Variants in SGSM2 observed in about 807,000 individuals in gnomAD.
SGSM2 encodes the protein small G protein signaling modulator 2, also known as RUN and TBC1 domain containing 1.
A neutral mutation model predicts 126.6 loss-of-function variants in SGSM2; 89 were observed. The ratio of observed to expected loss-of-function variants is 0.70; its 90% confidence interval spans 0.59 to 0.84. The LOEUF is 0.84. Among genes scored for constraint, SGSM2 ranks in the 40% least tolerant of loss-of-function variants. The probability of loss-of-function intolerance (pLI) is 0.00; values close to 1 mark genes in which losing one functional copy is unlikely to be tolerated. For missense variants in SGSM2, 1,404 were observed against 1,416.6 expected, an observed-to-expected ratio of 0.99 and a Z score of 0.14; for synonymous variants, 614 against 574.3, an observed-to-expected ratio of 1.07 and a Z score of -0.99.
At chr17:2,346,878 C>T (rs1042514096) in intron 2 of SGSM2, among the ~76,000 whole-genome samples, 2 of 152,090 alleles carry the variant, frequency 1.3e-5, no homozygotes, top group African/African-American at 4.8e-5. Context: ...CCCTTGAGAC[C>T]AGAAGCTTGA....
rs1277497295 is a variant in SGSM2 at position 2,338,788 on chromosome 17, T to TATATATATATATAA, written c.57+1044_57+1045insTATATATATATAAA. On this transcript the variant is annotated intron_variant, in intron 1 of 23. Coordinates refer to ENST00000268989, the MANE Select transcript of SGSM2 (RefSeq NM_014853.3). The stretch of plus-strand genomic sequence containing the variant: ...GCCGTCTCCCTAATATATATATATA[T>TATATATATATATAA]AACCTCACGCCTGTAATCCCAGCAC... Among the ~76,000 whole-genome samples, 505 of 149,972 alleles carry TATATATATATATAA rather than the reference T, an allele frequency of 3.4e-3. 6 individuals are homozygous for TATATATATATATAA. Among genetic ancestry groups the TATATATATATATAA allele is most frequent in the Middle Eastern group, 6.8e-3 (2 of 292 alleles).
chr17:2,344,713 C>T (rs1189889633), intron 2 of SGSM2, among the ~76,000 whole-genome samples: 1 of 151,956 alleles, frequency 6.6e-6, no homozygotes, highest in Non-Finnish European at 1.5e-5. Flanking sequence ...GAAGAAAAAA[C>T]ATGTGGGAGG....
chr17:2,372,948 C>T lies in SGSM2; in HGVS notation c.1789-5C>T. On this transcript the variant is annotated splice_polypyrimidine_tract_variant and splice_region_variant and intron_variant, in intron 15 of 23. Transcript: ENST00000268989. This position sits in a 1 kb window ranked among gnomAD's most constrained non-coding sequence, Gnocchi z 6.0. Reference sequence around the variant, plus strand: ...TGCACAGTCTTGACTCCCCGGGTCCCTCAGAACTACAAAGAGCTGGAGCTG... The same window carrying T: ...TGCACAGTCTTGACTCCCCGGGTCCTTCAGAACTACAAAGAGCTGGAGCTG... The T allele has an allele frequency of 6.4e-7, 1 of 1,559,646 alleles. No individual in the cohort carries two copies. The highest frequency in any genetic ancestry group is 8.7e-7 in the Non-Finnish European group (1 of 1,151,452).
rs571255932 is a variant in SGSM2 at position 2,363,957 on chromosome 17, A to T, written c.808-102A>T. 1.4e-6 allele frequency: 2 copies of T among 1,438,826 alleles called. No individual in the cohort carries two copies. Among genetic ancestry groups the T allele is most frequent in the East Asian group, 4.6e-5 (2 of 43,788 alleles). The allele number at this position is 1,438,826 out of a possible 1,614,324, so 89.1% of individuals were successfully genotyped here. On this transcript the variant is annotated intron_variant, in intron 7 of 23. Coordinates refer to ENST00000268989, the MANE Select transcript of SGSM2 (RefSeq NM_014853.3). The surrounding 1 kb of genome is among the most constrained non-coding windows in gnomAD (Gnocchi z 4.2). ...TAGTCCAGGACCCCGTGACTAGCCTAGCTTGGCCTCCCCTCCTCCCAGCGG... is the reference window on the plus strand; with the variant it reads ...TAGTCCAGGACCCCGTGACTAGCCTTGCTTGGCCTCCCCTCCTCCCAGCGG...
At chr17:2,364,230 T>G in intron 8 of SGSM2, 47 bp downstream of exon 8, 1 of 1,610,682 alleles carries the variant, frequency 6.2e-7, no homozygotes, top group Non-Finnish European at 8.5e-7. Context: ...AGGGAGTGGG[T>G]TTGACCTCAG....
intron 2 of SGSM2, among the ~76,000 whole-genome samples, chr17:2,359,575 T>C (rs1475502784): frequency 6.6e-6 from 1 of 152,100 alleles, no homozygotes; most frequent in Admixed American, 6.6e-5. Context: ...TATTCCTTAG[T>C]TGCAGTAATT....
chr17:2,375,499 T>C lies in SGSM2; in HGVS notation c.2108T>C (p.Ile703Thr). 2 of 1,608,146 alleles carry C rather than the reference T, an allele frequency of 1.2e-6. No individual in the cohort carries two copies. The highest frequency in any genetic ancestry group is 1.7e-6 in the Non-Finnish European group (2 of 1,176,608). The change falls in exon 18 of 24, where the codon ATC becomes ACC. Residue 703 changes from isoleucine to threonine, a missense_variant. Coordinates refer to ENST00000268989, the MANE Select transcript of SGSM2 (RefSeq NM_014853.3). ...CCTGTGTTCACCCCCCAGGTGTTTATCTCAGTGGATGATCTGGAACCCCCG... is the reference window on the plus strand; with the variant it reads ...CCTGTGTTCACCCCCCAGGTGTTTACCTCAGTGGATGATCTGGAACCCCCG... ...RDSTISNDVF[I>T]SVDDLEPPEP...
At position 2,379,863 on chromosome 17, in the gene SGSM2, CAGGATTAACAGG is replaced by C. The variant is rs2066340333; in HGVS notation, c.*344_*355del. ...GCCCACGAGTGAACCTGGGGCCCCA[CAGGATTAACAGG>C]GGCTATAGCGGCCTGGGCCCTACTC... On this transcript the variant is annotated 3_prime_UTR_variant, in exon 24 of 24. Coordinates refer to ENST00000268989, the MANE Select transcript of SGSM2 (RefSeq NM_014853.3). The C allele has an allele frequency of 7.7e-7, 1 of 1,302,184 alleles. No homozygotes were observed. Among genetic ancestry groups the C allele is most frequent in the African/African-American group, 1.5e-5 (1 of 67,862 alleles). The allele number at this position is 1,302,184 out of a possible 1,614,324, so 80.7% of individuals were successfully genotyped here.
At chr17:2,349,787 TG>T (rs1303333082) in intron 2 of SGSM2, among the ~76,000 whole-genome samples, 1 of 123,348 alleles carries the variant, frequency 8.1e-6, no homozygotes, top group African/African-American at 2.7e-5. Flanking sequence ...CCTAGTGAAA[TG>T]TTTTGTTTTT....
Position 2,362,979 on chromosome 17 carries a change from G to T in SGSM2, c.527-10G>T. On this transcript the variant is annotated splice_polypyrimidine_tract_variant and intron_variant, in intron 5 of 23. Coordinates refer to ENST00000268989, the MANE Select transcript of SGSM2 (RefSeq NM_014853.3). This position sits in a 1 kb window ranked among gnomAD's most constrained non-coding sequence, Gnocchi z 4.9. ...AGCATCGTCTGGGCTGGCTGTCTCT[G>T]TCTCCACAGTGGGACCCTGTGCCTT... 6.2e-7 allele frequency: 1 copy of T among 1,614,094 alleles called. No homozygotes were observed. Among genetic ancestry groups the T allele is most frequent in the Non-Finnish European group, 8.5e-7 (1 of 1,180,018 alleles).
Position 2,379,788 on chromosome 17 carries a change from C to A in SGSM2, c.*268C>A. On this transcript the variant is annotated 3_prime_UTR_variant, in exon 24 of 24. Coordinates refer to ENST00000268989, the MANE Select transcript of SGSM2 (RefSeq NM_014853.3). The stretch of plus-strand genomic sequence containing the variant: ...ACACACCTACTCTGCTCCCCTCTCA[C>A]ACATCTGGGAGTAGCCCCACTGCCA... 7.4e-7 allele frequency: 1 copy of A among 1,356,850 alleles called. No individual in the cohort carries two copies. The highest frequency in any genetic ancestry group is 9.5e-7 in the Non-Finnish European group (1 of 1,051,166). The allele number at this position is 1,356,850 out of a possible 1,614,324, so 84.1% of individuals were successfully genotyped here.
chr17:2,367,295 C>A lies in SGSM2; in HGVS notation c.1313C>A (p.Ala438Glu). Residue 438 changes from alanine (A) to glutamate (E), a missense_variant, in exon 12 of 24, where the codon GCG (alanine) becomes GAG (glutamate). Ala to Glu is a moderately radical substitution (Grantham distance 107). Transcript: ENST00000268989. The surrounding 1 kb of genome is among the most constrained non-coding windows in gnomAD (Gnocchi z 4.0). ...EHITINYHHL[A>E]ASRAASVDDD... ...GTCACTATTAACTACCACCACCTAG[C>A]GGCCAGCCGCGCGGCCTCGGTGGAC... The A allele has an allele frequency of 6.2e-7, 1 of 1,613,594 alleles. No homozygotes were observed. Among genetic ancestry groups the A allele is most frequent in the Non-Finnish European group, 8.5e-7 (1 of 1,179,810 alleles).
chr17:2,338,796 C>T (rs1175845941), intron 1 of SGSM2, among the ~76,000 whole-genome samples: 1 of 83,834 alleles, frequency 1.2e-5, no homozygotes, highest in Non-Finnish European at 2.4e-5. Flanking sequence ...TATAACCTCA[C>T]GCCTGTAATC....
rs766656617 is a variant in SGSM2 at position 2,361,737 on chromosome 17, G to T, written c.234G>T (p.Thr78=). 6.2e-7 allele frequency: 1 copy of T among 1,613,816 alleles called. No homozygotes were observed. The highest frequency in any genetic ancestry group is 8.5e-7 in the Non-Finnish European group (1 of 1,179,992). Residue 78 remains threonine (T), a synonymous_variant, in exon 3 of 24, where the codon ACG becomes ACT. Coordinates refer to ENST00000268989, the MANE Select transcript of SGSM2 (RefSeq NM_014853.3). The stretch of plus-strand genomic sequence containing the variant: ...CCCTGTTCACCAAGGTGGGGAAGAC[G>T]TGCCCAGTGGCGGGGGAGATTTGCC... ...MAALFTKVGK[T]CPVAGEICHK... is the part of the protein sequence containing the mutation.
At chr17:2,359,044 A>T (rs2065202713) in intron 2 of SGSM2, among the ~76,000 whole-genome samples, 1 of 151,618 alleles carries the variant, frequency 6.6e-6, no homozygotes, top group African/African-American at 2.4e-5. Flanking sequence ...CGCCCAGCTA[A>T]TTTTTTGTAT....
intron 19 of SGSM2, chr17:2,376,518 C>T (rs1223396137): frequency 3.0e-6 from 2 of 670,412 alleles, no homozygotes; most frequent in Admixed American, 2.8e-5. Context: ...ACATACCAAG[C>T]GTGACGGCCT....
Position 2,338,308 on chromosome 17 carries a change from G to C in SGSM2, c.57+563G>C, listed in dbSNP as rs1025920880. Among the ~76,000 whole-genome samples the C allele has an allele frequency of 2.6e-5, 4 of 152,192 alleles. No homozygotes were observed. The East Asian group carries it at 7.7e-4, about 29-fold the overall frequency. ...CTCCTTAGCCAGGGACCAGGGGCTT[G>C]TTTGGAATGGTTTTTAACACTCGGA... is the stretch of plus-strand genomic sequence containing the variant. On this transcript the variant is annotated intron_variant, in intron 1 of 23. Transcript: ENST00000268989.
Position 2,364,933 on chromosome 17 carries a change from G to T in SGSM2, c.1037G>T (p.Gly346Val). Residue 346 changes from glycine to valine, a missense_variant, in exon 10 of 24, where the codon GGC (glycine) becomes GTC (valine). By Grantham distance (109) the Gly-to-Val change is moderately radical (BLOSUM62 -3). Transcript: ENST00000268989. ...GGTLVLVSQD[G>V]IQRPPLHFPQ... ...ACGCTTGTGCTGGTGAGCCAGGATG[G>T]CATCCAGAGGCCGCCGCTGCATTTC... 1 of 1,612,296 alleles carries T rather than the reference G, an allele frequency of 6.2e-7. No individual in the cohort carries two copies. Among genetic ancestry groups the T allele is most frequent in the Non-Finnish European group, 8.5e-7 (1 of 1,180,000 alleles).
chr17:2,352,158 T>G (rs924258494), intron 2 of SGSM2, among the ~76,000 whole-genome samples: 1 of 152,210 alleles, frequency 6.6e-6, no homozygotes, highest in African/African-American at 2.4e-5. Context: ...TCTCCTTCAG[T>G]TGTTACTTGA....
Sources: gnomAD v4.1 joint callset for allele counts (sites outside exome capture counted in the v4.1 genomes callset) on GRCh38, gnomAD v4.1.1 for gene constraint, Gnocchi (gnomAD v3.1) non-coding constraint, MANE v1.5 for transcripts, NCBI Gene and HGNC (gene_info 2026-07-23, HGNC 2026-07-21) for gene names.